The following PIK3CD variants were observed in gnomAD, a reference collection of about 807,000 sequenced individuals.
PIK3CD encodes the protein phosphatidylinositol 4,5-bisphosphate 3-kinase catalytic subunit delta isoform.
In PIK3CD, 20 loss-of-function variants were observed where a neutral mutation model predicts 122.9. That is an observed-to-expected ratio of 0.16 (90% CI 0.11 to 0.24). The LOEUF (loss-of-function observed/expected upper bound fraction) is 0.24. Among genes scored for constraint, PIK3CD ranks in the 10% least tolerant of loss-of-function variants. PIK3CD has a pLI of 1.00. For synonymous variants in PIK3CD, 596 were observed against 593.4 expected (o/e 1.00, Z -0.06); for missense variants, 787 against 1,406.3 (o/e 0.56, Z 7.04).
At chr1:9,726,366 A>G (rs991546182) in intron 23 of PIK3CD, among the ~76,000 whole-genome samples, 25 of 151,868 alleles carry the variant, frequency 1.6e-4, no homozygotes, top group Non-Finnish European at 2.8e-4. Flanking sequence ...AAAATTAGCC[A>G]GGTGTGGTGG....
chr1:9,648,911 G>A (rs184538742), upstream of PIK3CD, among the ~76,000 whole-genome samples: 1 of 152,248 alleles, frequency 6.6e-6, no homozygotes, highest in East Asian at 1.9e-4. Flanking sequence ...GACCAGCCTG[G>A]CCAACATGGT....
At position 9,721,758 on chromosome 1, in the gene PIK3CD, C is replaced by T. The variant is rs768021253; in HGVS notation, c.1956-3C>T. 1 of 1,613,060 alleles carries T rather than the reference C, an allele frequency of 6.2e-7. No individual in the cohort carries two copies. The highest frequency in any genetic ancestry group is 8.5e-7 in the Non-Finnish European group (1 of 1,179,920). On this transcript the variant is annotated splice_region_variant and splice_polypyrimidine_tract_variant and intron_variant, in intron 15 of 23. Transcript: ENST00000377346. ...GAGGCTCAGCCCTCCCTTCACCTTC[C>T]AGCTCCGAGATGCACGTGCCGTCGG...
intron 1 of PIK3CD, among the ~76,000 whole-genome samples, chr1:9,660,465 C>T (rs1329979336): frequency 3.3e-5 from 5 of 152,154 alleles, no homozygotes; most frequent in Admixed American, 3.3e-4. Context: ...AACAGTTTTC[C>T]ACATTGCTTC....
chr1:9,718,610 C>A lies in PIK3CD; in HGVS notation c.1021-84C>A. 1.5e-6 allele frequency: 2 copies of A among 1,292,994 alleles called. No individual in the cohort carries two copies. Among genetic ancestry groups the A allele is most frequent in the South Asian group, 2.4e-5 (2 of 82,986 alleles). 80.1% of individuals were successfully genotyped at this position (1,292,994 alleles called of 1,614,324 possible). The stretch of plus-strand genomic sequence containing the variant: ...GAGTTCAGACCCACCTGAGGACATT[C>A]AAGGGGGAGACTGACACCTTAAGGG... On this transcript the variant is annotated intron_variant, in intron 8 of 23. Transcript: ENST00000377346. The surrounding 1 kb of genome is among the most constrained non-coding windows in gnomAD (Gnocchi z 7.2).
Position 9,722,492 on chromosome 1 carries a change from A to T in PIK3CD, c.2348-36A>T. The T allele has an allele frequency of 6.3e-7, 1 of 1,586,780 alleles. No homozygotes were observed. Among genetic ancestry groups the T allele is most frequent in the South Asian group, 1.1e-5 (1 of 90,564 alleles). On this transcript the variant is annotated intron_variant, in intron 18 of 23. Coordinates refer to ENST00000377346, the MANE Select transcript of PIK3CD (RefSeq NM_005026.5). This position sits in a 1 kb window ranked among gnomAD's most constrained non-coding sequence, Gnocchi z 7.6. ...AGCTGGAAGCAGAGAACCTACCAGA[A>T]ACTCACGCTTCTCCTCCCACCGGCC...
chr1:9,663,453 A>G (rs1169602859), intron 1 of PIK3CD, among the ~76,000 whole-genome samples: 2 of 152,176 alleles, frequency 1.3e-5, no homozygotes, highest in African/African-American at 2.4e-5. Flanking sequence ...GGCCATCTCA[A>G]GGGAGCATGT....
chr1:9,697,256 C>G (rs1272958494), intron 2 of PIK3CD, among the ~76,000 whole-genome samples: 1 of 151,236 alleles, frequency 6.6e-6, no homozygotes, highest in Non-Finnish European at 1.5e-5. Flanking sequence ...TAAAAACACA[C>G]AAAAATTTTA....
intron 1 of PIK3CD, among the ~76,000 whole-genome samples, chr1:9,678,563 G>T (rs533005153): frequency 1.6e-4 from 24 of 152,302 alleles, no homozygotes; most frequent in African/African-American, 5.5e-4. Context: ...CTGCAGAAAA[G>T]CATGGACTCT....
chr1:9,717,207 A>G lies in PIK3CD; in HGVS notation c.930+99A>G. The G allele has an allele frequency of 2.8e-6, 4 of 1,449,132 alleles. No individual in the cohort carries two copies. The South Asian group carries it at 3.4e-5, about 12-fold the overall frequency. 89.8% of individuals were successfully genotyped at this position (1,449,132 alleles called of 1,614,324 possible). A position where few individuals can be genotyped will look rare whatever the true frequency, so the allele number is the denominator to read the frequency against. On this transcript the variant is annotated intron_variant, in intron 7 of 23. Coordinates refer to ENST00000377346, the MANE Select transcript of PIK3CD (RefSeq NM_005026.5). This position sits in a 1 kb window ranked among gnomAD's most constrained non-coding sequence, Gnocchi z 5.4. Reference sequence around the variant, plus strand: ...GGCCATGGGTCCAGGGGCCCTTGGTATGGAGAGCTGGGGCTTTGAGCTGGG... The same window carrying G: ...GGCCATGGGTCCAGGGGCCCTTGGTGTGGAGAGCTGGGGCTTTGAGCTGGG...
At position 9,710,850 on chromosome 1, in the gene PIK3CD, A is replaced by G. The variant is rs1004785264; in HGVS notation, c.141+254A>G. Among the ~76,000 whole-genome samples, 2 of 152,132 alleles carry G rather than the reference A, an allele frequency of 1.3e-5. No individual in the cohort carries two copies. Among genetic ancestry groups the G allele is most frequent in the African/African-American group, 4.8e-5 (2 of 41,416 alleles). On this transcript the variant is annotated intron_variant, in intron 3 of 23. Coordinates refer to ENST00000377346, the MANE Select transcript of PIK3CD (RefSeq NM_005026.5). The surrounding 1 kb of genome is among the most constrained non-coding windows in gnomAD (Gnocchi z 4.7). ...GCCCAGGCTGGTGTGCAATGGCGCA[A>G]TCTCGGCTCACTGCAACCTCCAACT... is the stretch of plus-strand genomic sequence containing the variant.
intron 1 of PIK3CD, among the ~76,000 whole-genome samples, chr1:9,685,361 TA>T (rs1373274931): frequency 3.3e-5 from 5 of 152,134 alleles, no homozygotes; most frequent in African/African-American, 4.8e-5. Flanking sequence ...ATACTTAATT[TA>T]TTTTTTTATT....
At chr1:9,642,503 G>T in the PIK3CD span, among the ~76,000 whole-genome samples, 3 of 147,304 alleles carry the variant, frequency 2.0e-5, no homozygotes, top group Non-Finnish European at 4.5e-5. Flanking sequence ...GGATCACGAG[G>T]TCAGGAGATC....
At chr1:9,695,880 A>G (rs1291182478) in intron 2 of PIK3CD, among the ~76,000 whole-genome samples, 2 of 152,022 alleles carry the variant, frequency 1.3e-5, no homozygotes, top group Non-Finnish European at 2.9e-5. Flanking sequence ...AGATACTACA[A>G]GAAAATGGTC....
the PIK3CD span, among the ~76,000 whole-genome samples, chr1:9,644,556 T>TA: frequency 6.6e-6 from 1 of 151,730 alleles, no homozygotes; most frequent in Non-Finnish European, 1.5e-5. Flanking sequence ...AATAAATAAA[T>TA]ATGTAACCTT....
intron 1 of PIK3CD, among the ~76,000 whole-genome samples, chr1:9,663,932 C>T (rs575926191): frequency 1.5e-4 from 23 of 152,182 alleles, no homozygotes; most frequent in African/African-American, 5.5e-4. Flanking sequence ...TTTATGGCTG[C>T]ATAGTATTCC....
intron 1 of PIK3CD, among the ~76,000 whole-genome samples, chr1:9,682,828 T>C (rs1247465947): frequency 6.6e-6 from 1 of 152,128 alleles, no homozygotes. Context: ...GTGATTACAG[T>C]CATGAGCCAC....
upstream of PIK3CD, among the ~76,000 whole-genome samples, chr1:9,648,272 C>T (rs558225937): frequency 3.3e-5 from 5 of 152,302 alleles, no homozygotes; most frequent in South Asian, 1.0e-3. Context: ...ATGTAAGGCA[C>T]ATCTTAGCGC....
chr1:9,640,586 A>AG, the PIK3CD span, among the ~76,000 whole-genome samples: 5 of 150,210 alleles, frequency 3.3e-5, no homozygotes, highest in Non-Finnish European at 5.9e-5. Context: ...TCTCAAAAAA[A>AG]GAAAAAAAAA....
rs529861040 is a variant in PIK3CD, at chr1:9,718,336, A to G, written c.1021-358A>G. 1.3e-5 allele frequency among the ~76,000 whole-genome samples: 2 copies of G among 152,100 alleles called. No homozygotes were observed. Among genetic ancestry groups the G allele is most frequent in the African/African-American group, 2.4e-5 (1 of 41,398 alleles). On this transcript the variant is annotated intron_variant, in intron 8 of 23. Coordinates refer to ENST00000377346, the MANE Select transcript of PIK3CD (RefSeq NM_005026.5). This position sits in a 1 kb window ranked among gnomAD's most constrained non-coding sequence, Gnocchi z 7.2. ...GCAGGAAAAGTCCTTCCCCACCCAC[A>G]TGGGCTCATAGGAATCTGAGAAGTC...
Sources: gnomAD v4.1 joint callset for allele counts (sites outside exome capture counted in the v4.1 genomes callset) on GRCh38, gnomAD v4.1.1 for gene constraint, Gnocchi (gnomAD v3.1) non-coding constraint, MANE v1.5 for transcripts, NCBI Gene and HGNC (gene_info 2026-07-23, HGNC 2026-07-21) for gene names.